The following PDE4B variants were observed in gnomAD, a reference collection of about 807,000 sequenced individuals.
PDE4B encodes phosphodiesterase 4B, also known as 3',5'-cyclic-AMP phosphodiesterase 4B.
PDE4B carries 20 observed loss-of-function variants against 82.2 expected under a neutral mutation model. That is an observed-to-expected ratio of 0.24 (90% CI 0.17 to 0.35). PDE4B has a LOEUF of 0.35. Among genes scored for constraint, PDE4B ranks in the 10% least tolerant of loss-of-function variants. The pLI is 1.00. For missense variants in PDE4B, 655 were observed against 907.2 expected, an observed-to-expected ratio of 0.72 and a Z score of 3.57; for synonymous variants, 320 against 318.9, an observed-to-expected ratio of 1.00 and a Z score of -0.04.
intron 3 of PDE4B, among the ~76,000 whole-genome samples, chr1:66,197,878 T>C (rs1443235966): frequency 1.3e-5 from 2 of 152,182 alleles, no homozygotes; most frequent in East Asian, 3.8e-4. Context: ...ATATTTCTGT[T>C]CAAAATTTAC....
chr1:66,074,085 G>A (rs1052464752), intron 3 of PDE4B, among the ~76,000 whole-genome samples: 4 of 152,108 alleles, frequency 2.6e-5, no homozygotes, highest in African/African-American at 9.7e-5. Flanking sequence ...TCTTCAGGCA[G>A]GCAATCTTAC....
At chr1:66,103,521 A>T (rs1645268420) in intron 3 of PDE4B, among the ~76,000 whole-genome samples, 1 of 152,130 alleles carries the variant, frequency 6.6e-6, no homozygotes, top group South Asian at 2.1e-4. Flanking sequence ...TATGGTTTAG[A>T]CAATAATTTA....
At chr1:65,872,740 C>T (rs940351734) in intron 1 of PDE4B, among the ~76,000 whole-genome samples, 2 of 152,042 alleles carry the variant, frequency 1.3e-5, no homozygotes, top group Non-Finnish European at 2.9e-5. Flanking sequence ...GTACACTAAG[C>T]GTTGTGGTGG....
intron 3 of PDE4B, among the ~76,000 whole-genome samples, chr1:66,163,407 G>A (rs1348723907): frequency 1.3e-5 from 2 of 152,158 alleles, no homozygotes; most frequent in East Asian, 1.9e-4. Flanking sequence ...AAACACTTTA[G>A]GAACTCTATA....
At chr1:66,123,773 C>T (rs929137050) in intron 3 of PDE4B, among the ~76,000 whole-genome samples, 8 of 152,120 alleles carry the variant, frequency 5.3e-5, no homozygotes, top group Non-Finnish European at 1.2e-4. Flanking sequence ...TTTCAAAATA[C>T]GTAGAAGAAT....
chr1:66,222,075 C>T (rs940361974), intron 3 of PDE4B, among the ~76,000 whole-genome samples: 10 of 152,166 alleles, frequency 6.6e-5, no homozygotes, highest in Admixed American at 5.2e-4. Flanking sequence ...TCTTTTTGTT[C>T]TACCATATTA....
At chr1:66,308,833 C>A (rs1392609623) in intron 7 of PDE4B, among the ~76,000 whole-genome samples, 1 of 152,104 alleles carries the variant, frequency 6.6e-6, no homozygotes, top group Non-Finnish European at 1.5e-5. Context: ...GGCAACTTGA[C>A]AGATACATTT....
chr1:66,113,497 T>C (rs10493397), intron 3 of PDE4B, among the ~76,000 whole-genome samples: 1,675 of 152,294 alleles, frequency 0.011, 12 homozygotes, highest in Non-Finnish European at 0.015. Context: ...TAGTCCATAA[T>C]AAGATAATTT....
intron 3 of PDE4B, among the ~76,000 whole-genome samples, chr1:66,239,872 A>G (rs1469276584): frequency 2.6e-5 from 4 of 152,280 alleles, no homozygotes; most frequent in African/African-American, 4.8e-5. Context: ...ATCTCAATCA[A>G]TAAGTAAAAT....
At chr1:65,859,246 G>GCCC (rs1646427335) in intron 1 of PDE4B, among the ~76,000 whole-genome samples, 1 of 151,830 alleles carries the variant, frequency 6.6e-6, no homozygotes, top group South Asian at 2.1e-4. Context: ...TTATCTAGAT[G>GCCC]CCCCTTTTGC....
chr1:65,826,562 A>ATAG (rs143084433), intron 1 of PDE4B, among the ~76,000 whole-genome samples: 1 of 152,284 alleles, frequency 6.6e-6, no homozygotes, highest in African/African-American at 2.4e-5. Context: ...GGGGGAAGGA[A>ATAG]TAGTAGCCAC....
At chr1:66,090,621 A>ATATGTGTGTGTGTGTGTGTGTGTGTG in intron 3 of PDE4B, among the ~76,000 whole-genome samples, 1 of 122,734 alleles carries the variant, frequency 8.1e-6, no homozygotes, top group African/African-American at 4.1e-5. Flanking sequence ...TATATAATAT[A>ATATGTGTGTGTGTGTGTGTGTGTGTG]TGTGTGTGTG....
At chr1:66,255,711 T>C (rs1457390829) in intron 4 of PDE4B, among the ~76,000 whole-genome samples, 1 of 152,256 alleles carries the variant, frequency 6.6e-6, no homozygotes, top group Non-Finnish European at 1.5e-5. Flanking sequence ...ATGTTTCCTT[T>C]GGACTTCATG....
At chr1:66,218,685 C>A (rs988216758) in intron 3 of PDE4B, among the ~76,000 whole-genome samples, 1 of 152,116 alleles carries the variant, frequency 6.6e-6, no homozygotes, top group Non-Finnish European at 1.5e-5. Context: ...ATGCTATGAT[C>A]TTGGAAGAAA....
chr1:66,326,001 G>A (rs753375781), intron 7 of PDE4B, among the ~76,000 whole-genome samples: 1 of 152,164 alleles, frequency 6.6e-6, no homozygotes, highest in Non-Finnish European at 1.5e-5. Context: ...ATAAACAGCT[G>A]GGGCAGACTC....
chr1:65,868,451 G>C (rs1646536138), intron 1 of PDE4B, among the ~76,000 whole-genome samples: 1 of 152,208 alleles, frequency 6.6e-6, no homozygotes, highest in African/African-American at 2.4e-5. Flanking sequence ...AGTTTCAAAG[G>C]ATGACATACT....
intron 3 of PDE4B, among the ~76,000 whole-genome samples, chr1:66,141,055 A>G (rs1301178365): frequency 1.3e-5 from 2 of 152,126 alleles, no homozygotes; most frequent in Non-Finnish European, 2.9e-5. Flanking sequence ...ATCAATGTAA[A>G]CAAAGCTAAA....
intron 3 of PDE4B, among the ~76,000 whole-genome samples, chr1:66,050,348 G>T (rs561191466): frequency 1.3e-5 from 2 of 152,022 alleles, no homozygotes; most frequent in African/African-American, 4.8e-5. Flanking sequence ...ACATCATTTA[G>T]CAGAAATAGA....
chr1:66,102,944 C>A (rs1246971235), intron 3 of PDE4B, among the ~76,000 whole-genome samples: 2 of 151,988 alleles, frequency 1.3e-5, no homozygotes, highest in Non-Finnish European at 2.9e-5. Flanking sequence ...AGAGAATAAA[C>A]CACAGTCTAC....
Sources: allele counts gnomAD v4.1 joint callset (sites outside exome capture counted in the v4.1 genomes callset), GRCh38; gene constraint gnomAD v4.1.1; transcripts MANE v1.5; gene names NCBI Gene and HGNC (gene_info 2026-07-23, HGNC 2026-07-21).